The following AFF2 variants were observed in gnomAD, a reference collection of about 807,000 sequenced individuals.
The protein encoded by AFF2 is AF4/FMR2 family member 2.
In AFF2, 14 loss-of-function variants were observed where a neutral mutation model predicts 76.9. That is an observed-to-expected ratio of 0.18 (90% CI 0.12 to 0.28). The LOEUF is 0.28. AFF2 is among the 10% of genes least tolerant of loss of function. The probability of loss-of-function intolerance (pLI) is 1.00; values close to 1 mark genes in which losing one functional copy is unlikely to be tolerated. For missense variants in AFF2, 868 were observed against 1,001.1 expected (o/e 0.87, Z 1.79); for synonymous variants, 398 against 366.7 (o/e 1.09, Z -0.98).
chrX:148,609,330 G>A (rs782665568), intron 1 of AFF2, among the ~76,000 whole-genome samples: 1 of 111,731 alleles, frequency 9.0e-6, no homozygotes, highest in Admixed American at 9.5e-5. Flanking sequence ...TTGATATGTG[G>A]CCTTGGTGTA....
chrX:148,602,273 AAAG>A (rs1334053484), intron 1 of AFF2, among the ~76,000 whole-genome samples: 1 of 111,931 alleles, frequency 8.9e-6, no homozygotes, highest in African/African-American at 3.2e-5. Flanking sequence ...AAATGAAATA[AAAG>A]AAGAAGGCGG....
At chrX:148,952,742 C>T (rs1490716874) in intron 9 of AFF2, among the ~76,000 whole-genome samples, 2 of 111,910 alleles carry the variant, frequency 1.8e-5, no homozygotes, top group African/African-American at 6.5e-5. Context: ...AAATGCTTTG[C>T]TTGGTCAGCT....
At chrX:148,926,220 A>T (rs1421463069) in intron 9 of AFF2, among the ~76,000 whole-genome samples, 1 of 112,121 alleles carries the variant, frequency 8.9e-6, no homozygotes, top group Non-Finnish European at 1.9e-5. Context: ...GTAGAGAGTA[A>T]GTCCAGAGGT....
chrX:148,673,068 T>C (rs782600931), intron 3 of AFF2, among the ~76,000 whole-genome samples: 10 of 111,988 alleles, frequency 8.9e-5, no homozygotes, highest in Non-Finnish European at 1.9e-4. Context: ...CAGACAGAAT[T>C]TGTGACATTT....
chrX:148,661,957 A>T lies in AFF2; in HGVS notation c.230A>T (p.Asn77Ile). The T allele has an allele frequency of 8.3e-7, 1 of 1,208,460 alleles. No individual in the cohort carries two copies. The highest frequency in any genetic ancestry group is 1.1e-6 in the Non-Finnish European group (1 of 892,844). The change falls in exon 3 of 21, where the codon AAC becomes ATC. Residue 77 changes from asparagine (N) to isoleucine (I), a missense_variant. Around this residue, in one of 6 missense-constraint regions of AFF2, gnomAD observed 196 missense variants for 194.8 expected, o/e 1.01. Transcript: ENST00000370460. The stretch of plus-strand genomic sequence containing the variant: ...AACCGAGTCCAGAACACGCTTGGAA[A>T]CTATGATGAAATGAAGAATTTGCTA... ...LANRVQNTLG[N>I]YDEMKNLLTN...
intron 1 of AFF2, among the ~76,000 whole-genome samples, chrX:148,556,177 T>C (rs1402656549): frequency 8.9e-6 from 1 of 112,321 alleles, no homozygotes. Context: ...AAGATTTGTT[T>C]TACAGAAGAA....
intron 3 of AFF2, among the ~76,000 whole-genome samples, chrX:148,791,733 T>G (rs1014668029): frequency 5.4e-5 from 6 of 111,953 alleles, no homozygotes; most frequent in Non-Finnish European, 1.9e-5. Context: ...CCACATTGTA[T>G]TTTTTGTATG....
At chrX:148,987,609 T>A in intron 20 of AFF2, 52 bp downstream of exon 20, 1 of 1,073,299 alleles carries the variant, frequency 9.3e-7, no homozygotes, top group Admixed American at 2.4e-5. Flanking sequence ...TGGAGTTAAC[T>A]TCACTTTGAA....
intron 9 of AFF2, among the ~76,000 whole-genome samples, chrX:148,946,227 C>T (rs915352826): frequency 1.2e-4 from 13 of 112,351 alleles, no homozygotes; most frequent in Non-Finnish European, 9.4e-5. Context: ...TGTAACCTCT[C>T]ATTGCACCAT....
chrX:148,532,481 A>T (rs190892166), intron 1 of AFF2, among the ~76,000 whole-genome samples: 180 of 112,592 alleles, frequency 1.6e-3, no homozygotes, highest in Non-Finnish European at 2.8e-3. Context: ...ACACAGGAAG[A>T]ATGGTCAAGG....
chrX:148,635,586 C>A (rs1603264446), intron 1 of AFF2, among the ~76,000 whole-genome samples: 1 of 111,574 alleles, frequency 9.0e-6, no homozygotes, highest in East Asian at 2.8e-4. Flanking sequence ...GGGAGAATGG[C>A]AAATAAACAG....
rs1557234879 is a variant in AFF2 at position 148,524,095 on chromosome X, CTT to C, written c.47+22953_47+22954del. On this transcript the variant is annotated intron_variant, in intron 1 of 20. Coordinates refer to ENST00000370460, the MANE Select transcript of AFF2 (RefSeq NM_002025.4). The stretch of plus-strand genomic sequence containing the variant: ...TTGGTTGAAGCCTCTCTCTCTCTCT[CTT>C]TCTCTCTCTCTCTCTCTCTCTCTCT... Among the ~76,000 whole-genome samples, 15 of 78,342 alleles carry C rather than the reference CTT, an allele frequency of 1.9e-4. No homozygotes were observed. The South Asian group carries it at 4.0e-3, about 21-fold the overall frequency. 68.0% of individuals were successfully genotyped at this position (78,342 alleles called of 115,157 possible).
At chrX:148,863,105 T>C (rs1170816457) in intron 7 of AFF2, among the ~76,000 whole-genome samples, 1 of 112,295 alleles carries the variant, frequency 8.9e-6, no homozygotes, top group Non-Finnish European at 1.9e-5. Context: ...TACCTTATCA[T>C]ATCTATGAAG....
At chrX:148,542,376 A>G (rs2052868677) in intron 1 of AFF2, among the ~76,000 whole-genome samples, 1 of 110,040 alleles carries the variant, frequency 9.1e-6, no homozygotes, top group Admixed American at 9.8e-5. Context: ...GGTCAATTCT[A>G]TGCTCAATCC....
chrX:148,698,653 G>A (rs781919746), intron 3 of AFF2, among the ~76,000 whole-genome samples: 4 of 112,071 alleles, frequency 3.6e-5, no homozygotes, highest in Non-Finnish European at 5.6e-5. Context: ...GTTAAACTGC[G>A]TGCTCTGAAT....
chrX:148,800,941 C>T (rs1354567870), intron 3 of AFF2, among the ~76,000 whole-genome samples: 1 of 112,312 alleles, frequency 8.9e-6, no homozygotes, highest in Non-Finnish European at 1.9e-5. Flanking sequence ...AATGATTTCT[C>T]TCAGGAGGAT....
chrX:148,758,406 A>C (rs1337617349), intron 3 of AFF2, among the ~76,000 whole-genome samples: 3 of 112,556 alleles, frequency 2.7e-5, no homozygotes, highest in African/African-American at 9.7e-5. Flanking sequence ...AACTTTTTTA[A>C]AATAAAAGTG....
chrX:148,788,079 C>T (rs1311917109), intron 3 of AFF2, among the ~76,000 whole-genome samples: 2 of 111,610 alleles, frequency 1.8e-5, no homozygotes, highest in African/African-American at 3.3e-5. Context: ...TGGATGGCTA[C>T]ATTGTCATTC....
chrX:148,620,716 G>A lies in AFF2; in HGVS notation c.48-31283G>A, dbSNP rs59253648. ...TTATCTTAGCTACTCCTCCCTACTGGGACTTTTATTTTTCCTCTAGGAGAT... is the reference window on the plus strand; with the variant it reads ...TTATCTTAGCTACTCCTCCCTACTGAGACTTTTATTTTTCCTCTAGGAGAT... On this transcript the variant is annotated intron_variant, in intron 1 of 20. Coordinates refer to ENST00000370460, the MANE Select transcript of AFF2 (RefSeq NM_002025.4). 8.7e-3 allele frequency among the ~76,000 whole-genome samples: 965 copies of A among 110,502 alleles called. 13 individuals are homozygous for A. The highest frequency in any genetic ancestry group is 0.03 in the African/African-American group (926 of 30,399).
Sources: gnomAD v4.1 joint callset for allele counts (sites outside exome capture counted in the v4.1 genomes callset) on GRCh38, gnomAD v4.1.1 for gene constraint, gnomAD v4.1.1 regional missense constraint, MANE v1.5 for transcripts, NCBI Gene and HGNC (gene_info 2026-07-23, HGNC 2026-07-21) for gene names.